KAZN: variants seen among roughly 807,000 people sequenced by gnomAD.
The protein encoded by KAZN is kazrin, periplakin interacting protein.
KAZN carries 40 observed loss-of-function variants against 87.4 expected under a neutral mutation model. The observed-to-expected ratio is 0.46, with a 90% CI of 0.36 to 0.60. The LOEUF (loss-of-function observed/expected upper bound fraction) is 0.60. Ranked by LOEUF, KAZN falls within the 20% of genes least tolerant of loss-of-function variation. The pLI is 0.00. For missense variants in KAZN, 898 were observed against 1,073.9 expected (o/e 0.84, Z 2.29); for synonymous variants, 466 against 458.3 (o/e 1.02, Z -0.22).
chr1:14,137,107 G>C lies in KAZN; in HGVS notation c.92-43328G>C, dbSNP rs567023291. Among the ~76,000 whole-genome samples the C allele has an allele frequency of 3.9e-5, 6 of 152,302 alleles. No individual in the cohort carries two copies. The East Asian group carries it at 1.2e-3, about 29-fold the overall frequency. On this transcript the variant is annotated intron_variant, in intron 1 of 16. Coordinates refer to the KAZN transcript ENST00000636203. ...AACAAGTGAGGAAGGAAGGGCCGCT[G>C]CTGGGAAGTCAAAGGGAAACGCTTT...
intron 1 of KAZN, among the ~76,000 whole-genome samples, chr1:14,809,405 A>G (rs1457939846): frequency 1.3e-5 from 2 of 152,192 alleles, no homozygotes; most frequent in African/African-American, 2.4e-5. Context: ...CCTCACCGTC[A>G]GGCTGCCAGG....
intron 2 of KAZN, among the ~76,000 whole-genome samples, chr1:14,419,931 A>T (rs1194676989): frequency 2.0e-5 from 3 of 152,112 alleles, no homozygotes; most frequent in Non-Finnish European, 4.4e-5. Context: ...AGAGCGAAAG[A>T]ACAAAACTTC....
At chr1:14,130,150 G>A (rs923360489) in intron 1 of KAZN, among the ~76,000 whole-genome samples, 1 of 152,038 alleles carries the variant, frequency 6.6e-6, no homozygotes, top group African/African-American at 2.4e-5. Context: ...TCTTTCCTTG[G>A]GCCAAAAATG....
chr1:14,398,765 G>A (rs936820267), intron 2 of KAZN, among the ~76,000 whole-genome samples: 1 of 152,220 alleles, frequency 6.6e-6, no homozygotes, highest in Non-Finnish European at 1.5e-5. Flanking sequence ...ACTGATGGGA[G>A]AGAGAATGGC....
At chr1:14,682,530 C>T (rs548784283) in intron 1 of KAZN, among the ~76,000 whole-genome samples, 36 of 152,084 alleles carry the variant, frequency 2.4e-4, no homozygotes, top group African/African-American at 7.7e-4. Context: ...TCCAGTGATG[C>T]TCCTGCCTCA....
At chr1:15,006,075 C>T (rs1056206901) in intron 2 of KAZN, among the ~76,000 whole-genome samples, 1 of 152,226 alleles carries the variant, frequency 6.6e-6, no homozygotes, top group Non-Finnish European at 1.5e-5. Flanking sequence ...GTTCCCACCC[C>T]CATGAGACCT....
At chr1:14,349,387 A>C (rs1405824344) in intron 2 of KAZN, 1 of 152,230 alleles carries the variant, frequency 6.6e-6, no homozygotes, top group Non-Finnish European at 1.5e-5. Flanking sequence ...ACCTACCAAA[A>C]TTTAAAAATT....
At chr1:13,935,897 TG>T (rs2100951156) in intron 1 of KAZN, among the ~76,000 whole-genome samples, 1 of 127,974 alleles carries the variant, frequency 7.8e-6, no homozygotes, top group African/African-American at 3.0e-5. Flanking sequence ...TGTGTGTGTG[TG>T]TGTAGAATCA....
intron 1 of KAZN, among the ~76,000 whole-genome samples, chr1:13,941,682 A>G (rs1640933240): frequency 6.6e-6 from 1 of 152,186 alleles, no homozygotes; most frequent in African/African-American, 2.4e-5. Flanking sequence ...TGGAAGAGAA[A>G]CTTGTTGCAG....
intron 1 of KAZN, among the ~76,000 whole-genome samples, chr1:13,936,241 C>T (rs180938037): frequency 6.6e-6 from 1 of 151,554 alleles, no homozygotes; most frequent in Non-Finnish European, 1.5e-5. Context: ...GGATTACAGG[C>T]ATGCACCACC....
chr1:14,012,965 G>T (rs369228691), intron 1 of KAZN, among the ~76,000 whole-genome samples: 1 of 152,172 alleles, frequency 6.6e-6, no homozygotes, highest in Non-Finnish European at 1.5e-5. Flanking sequence ...TAAAAAGAAG[G>T]CTTCGAGCCT....
rs1439738858 is a variant in KAZN, at chr1:14,501,069, A to G, written c.250-97914A>G. Among the ~76,000 whole-genome samples, 3 of 147,596 alleles carry G rather than the reference A, an allele frequency of 2.0e-5. No homozygotes were observed. The East Asian group carries it at 5.9e-4, about 29-fold the overall frequency. On this transcript the variant is annotated intron_variant, in intron 2 of 16. Transcript: ENST00000636203. ...ACAGACTTTTTCATAACCTAAAAAG[A>G]GCATCTGCAAAAAATAAATAAATAA...
chr1:13,946,483 C>T (rs750893305), intron 1 of KAZN, among the ~76,000 whole-genome samples: 99 of 152,132 alleles, frequency 6.5e-4, no homozygotes, highest in Admixed American at 4.5e-3. Context: ...CTGCCGACAC[C>T]GTGATCAATA....
chr1:14,739,666 T>C lies in KAZN; in HGVS notation c.226+140443T>C, dbSNP rs555826996. On this transcript the variant is annotated intron_variant, in intron 1 of 14. Transcript: ENST00000376030. ...AAGTCTTCACACCACCAACTTCCCC[T>C]TTTTTTTTTGTATTGTTTGAAGTTC... Among the ~76,000 whole-genome samples the C allele has an allele frequency of 4.2e-3, 571 of 136,706 alleles. 2 individuals are homozygous for C. Among genetic ancestry groups the C allele is most frequent in the Non-Finnish European group, 7.5e-3 (457 of 60,896 alleles). 89.7% of individuals were successfully genotyped at this position (136,706 alleles called of 152,430 possible).
At chr1:13,904,813 G>A (rs1397222797) in intron 1 of KAZN, among the ~76,000 whole-genome samples, 2 of 152,238 alleles carry the variant, frequency 1.3e-5, no homozygotes, top group East Asian at 3.9e-4. Flanking sequence ...TGCAAATCAT[G>A]TAACTCATGT....
At chr1:14,966,850 T>C (rs1664508648) in intron 2 of KAZN, among the ~76,000 whole-genome samples, 1 of 152,104 alleles carries the variant, frequency 6.6e-6, no homozygotes, top group African/African-American at 2.4e-5. Context: ...TTTGTATTTT[T>C]AATAGGACTG....
At position 14,924,017 on chromosome 1, in the gene KAZN, C is replaced by T. The variant is rs531269337; in HGVS notation, c.227-36667C>T. 295 of 663,014 alleles carry T rather than the reference C, an allele frequency of 4.4e-4. 1 individual carries two copies. The African/African-American group carries it at 7.1e-3, about 16-fold the overall frequency. The allele number at this position is 663,014 out of a possible 1,614,324, so 41.1% of individuals were successfully genotyped here. A position where few individuals can be genotyped will look rare whatever the true frequency, so the allele number is the denominator to read the frequency against. On this transcript the variant is annotated intron_variant, in intron 1 of 14. Coordinates refer to ENST00000376030, the MANE Select transcript of KAZN (RefSeq NM_201628.3). ...AACGGGGCGACGCGGCGGCGCTCCCCGGGCACTGGGGCCAGTCTGGGCGCC... is the reference window on the plus strand; with the variant it reads ...AACGGGGCGACGCGGCGGCGCTCCCTGGGCACTGGGGCCAGTCTGGGCGCC...
At chr1:14,469,347 T>C (rs1668325368) in intron 2 of KAZN, among the ~76,000 whole-genome samples, 1 of 152,202 alleles carries the variant, frequency 6.6e-6, no homozygotes, top group Non-Finnish European at 1.5e-5. Flanking sequence ...CTTTTATTTA[T>C]CAGGAATGAA....
intron 2 of KAZN, among the ~76,000 whole-genome samples, chr1:14,192,327 A>T (rs752963211): frequency 6.6e-6 from 1 of 152,178 alleles, no homozygotes; most frequent in African/African-American, 2.4e-5. Flanking sequence ...ATACTGTCCC[A>T]TTGATATTCC....
Sources: allele counts gnomAD v4.1 joint callset (sites outside exome capture counted in the v4.1 genomes callset), GRCh38; gene constraint gnomAD v4.1.1; transcripts MANE v1.5; gene names NCBI Gene and HGNC (gene_info 2026-07-23, HGNC 2026-07-21).